Variants in CDAN1 observed in about 807,000 individuals in gnomAD.
CDAN1 encodes the protein codanin-1.
A neutral mutation model predicts 139.8 loss-of-function variants in CDAN1; 107 were observed. The observed-to-expected ratio is 0.77, with a 90% CI of 0.65 to 0.90. CDAN1 has a LOEUF of 0.90. CDAN1 is among the 40% of genes least tolerant of loss of function. CDAN1 has a pLI of 0.00. For missense variants in CDAN1, 1,667 were observed against 1,575.7 expected, an observed-to-expected ratio of 1.06 and a Z score of -0.98; for synonymous variants, 776 against 660.6, an observed-to-expected ratio of 1.17 and a Z score of -2.68.
At position 42,727,971 on chromosome 15, in the gene CDAN1, C is replaced by A. The variant is rs2061553967; in HGVS notation, c.2931G>T (p.Leu977=). The part of the protein sequence containing the change: ...GLATEKACAW[L]SANITALIRR... Reference sequence around the variant, plus strand: ...GGACCTTACCTGTGATGTTGGCTGACAGCCAAGCACAGGCTTTCTCTGTTG... The same window carrying A: ...GGACCTTACCTGTGATGTTGGCTGAAAGCCAAGCACAGGCTTTCTCTGTTG... Residue 977 remains leucine, a synonymous_variant, in exon 22 of 28, where the codon CTG becomes CTT. Transcript: ENST00000356231. 1 of 1,614,028 alleles carries A rather than the reference C, an allele frequency of 6.2e-7. No individual in the cohort carries two copies. Among genetic ancestry groups the A allele is most frequent in the African/African-American group, 1.3e-5 (1 of 74,936 alleles).
chr15:42,731,448 C>G, intron 11 of CDAN1, 117 bp from the exon 12 acceptor site: 1 of 1,496,490 alleles, frequency 6.7e-7, no homozygotes, highest in Non-Finnish European at 9.3e-7. Context: ...GGCCCAGGAG[C>G]AATGAAATCA....
rs751174614 is a variant in CDAN1, at chr15:42,729,132, GGGA to G, written c.2542-9_2542-7del. On this transcript the variant is annotated splice_polypyrimidine_tract_variant and splice_region_variant and intron_variant, in intron 18 of 27. Transcript: ENST00000356231. ...AAGGCCTGGGCGAGCTGTGCCTGGGGGGAGGAGGGAGAGGCAGCAAGGCTTCCT... is the reference window on the plus strand; with the variant it reads ...AAGGCCTGGGCGAGCTGTGCCTGGGGGGAGGGAGAGGCAGCAAGGCTTCCT... 3.7e-5 allele frequency: 59 copies of G among 1,613,974 alleles called. No individual in the cohort carries two copies. The South Asian group carries it at 6.0e-4, about 17-fold the overall frequency.
intron 11 of CDAN1, 30 bp from the exon 12 acceptor site, chr15:42,731,361 C>T: frequency 1.9e-6 from 3 of 1,612,362 alleles, no homozygotes; most frequent in Non-Finnish European, 2.5e-6. Context: ...GGGGCATAAG[C>T]ACTGGAAGAG....
chr15:42,731,229 C>A lies in CDAN1; in HGVS notation c.1842G>T (p.Glu614Asp). Residue 614 changes from glutamate to aspartate, a missense_variant, in exon 12 of 28, where the codon GAG (glutamate) becomes GAT (aspartate). Transcript: ENST00000356231. Reference protein sequence around the residue: ...PQHEPNDEDGESDVDWQGERK... With the variant: ...PQHEPNDEDGDSDVDWQGERK... ...TTCGGACCTGCCAGTCTACGTCTGA[C>A]TCCCCGTCTTCATCATTGGGCTCAT... The A allele has an allele frequency of 2.5e-6, 4 of 1,614,242 alleles. No individual in the cohort carries two copies. The highest frequency in any genetic ancestry group is 2.5e-6 in the Non-Finnish European group (3 of 1,180,048).
chr15:42,726,059 A>T (rs1316174879), intron 25 of CDAN1, 38 bp downstream of exon 25: 18 of 1,567,122 alleles, frequency 1.1e-5, no homozygotes, highest in Admixed American at 3.4e-5. Flanking sequence ...GATTTGGGGG[A>T]TCAGGCAAGA....
rs1353217180 is a variant in CDAN1 at position 42,726,309 on chromosome 15, C to T, written c.3204+1G>A. The T allele has an allele frequency of 6.3e-7, 1 of 1,587,490 alleles. No homozygotes were observed. The highest frequency in any genetic ancestry group is 8.6e-7 in the Non-Finnish European group (1 of 1,166,840). The stretch of plus-strand genomic sequence containing the variant: ...CCCCGGTGGCAGATGCCACAGCTCA[C>T]CTGGCGGCACCGCAGCGTCTGGCCC... On this transcript the variant is annotated splice_donor_variant, in intron 24 of 27. Transcript: ENST00000356231. LOFTEE classifies it high-confidence loss of function.
Position 42,734,015 on chromosome 15 carries a change from A to T in CDAN1, c.1290T>A (p.Ala430=), listed in dbSNP as rs2061651919. The change falls in exon 8 of 28, where the codon GCT becomes GCA. Residue 430 remains alanine (A), a synonymous_variant. Coordinates refer to ENST00000356231, the MANE Select transcript of CDAN1 (RefSeq NM_138477.4). ...VSLVMPPSTQ[A]VSFQPETDNR... is the part of the protein sequence containing the mutation. ...TGTCAGTCTCTGGCTGAAAGGAGAC[A>T]GCTTGAGTAGAGGGAGGCATCACCA... The T allele has an allele frequency of 4.3e-6, 7 of 1,614,142 alleles. No homozygotes were observed. The highest frequency in any genetic ancestry group is 5.9e-6 in the Non-Finnish European group (7 of 1,179,950).
rs769454053 is a variant in CDAN1 at position 42,727,570 on chromosome 15, G to C, written c.3096+51C>G. ...TGTGAGAAAGGAAAAACCAGGAACA[G>C]AGCAGGGGGGTGGGAGCAGGGAAGC... is the stretch of plus-strand genomic sequence containing the variant. On this transcript the variant is annotated intron_variant, in intron 23 of 27. Transcript: ENST00000356231. The C allele has an allele frequency of 2.0e-6, 3 of 1,472,928 alleles. No homozygotes were observed. In the South Asian group the frequency reaches 4.1e-5, roughly 20 times the overall value. 91.2% of individuals were successfully genotyped at this position (1,472,928 alleles called of 1,614,324 possible). A position where few individuals can be genotyped will look rare whatever the true frequency, so the allele number is the denominator to read the frequency against.
At position 42,734,206 on chromosome 15, in the gene CDAN1, A is replaced by C; in HGVS notation, c.1257+20T>G. On this transcript the variant is annotated intron_variant, in intron 7 of 27. Transcript: ENST00000356231. ...AAGGGTTAGGTCCAGGCTAGTGGGC[A>C]ACTAAGCTGGGGTTACTACCTTGGC... The C allele has an allele frequency of 6.2e-7, 1 of 1,614,084 alleles. No individual in the cohort carries two copies. The highest frequency in any genetic ancestry group is 8.5e-7 in the Non-Finnish European group (1 of 1,180,022).
At position 42,724,468 on chromosome 15, in the gene CDAN1, C is replaced by A; in HGVS notation, c.*23G>T. ...GGGTCCAGGGTTCTGGTGCAATGCC[C>A]AAGGCAGGGCCACTTCTCAGCCCTA... On this transcript the variant is annotated 3_prime_UTR_variant, in exon 28 of 28. Transcript: ENST00000356231. 6.4e-7 allele frequency: 1 copy of A among 1,572,898 alleles called. No individual in the cohort carries two copies. Among genetic ancestry groups the A allele is most frequent in the South Asian group, 1.2e-5 (1 of 85,626 alleles).
chr15:42,727,582 G>A (rs2061546251), intron 23 of CDAN1, 39 bp downstream of exon 23: 1 of 1,493,916 alleles, frequency 6.7e-7, no homozygotes, highest in East Asian at 2.4e-5. Flanking sequence ...GCAGGGGGGT[G>A]GGAGCAGGGA....
Position 42,736,743 on chromosome 15 carries a change from C to A in CDAN1, c.128G>T (p.Arg43Leu). The A allele has an allele frequency of 6.4e-7, 1 of 1,556,490 alleles. No homozygotes were observed. The change falls in exon 2 of 28, where the codon CGG becomes CTG. Residue 43 changes from arginine to leucine, a missense_variant. Around this residue, in one of 3 missense-constraint regions of CDAN1, gnomAD observed 487 missense variants for 422.2 expected, o/e 1.15. Transcript: ENST00000356231. ...CGGTACGAATTCTTTCCGCAGGGCC[C>A]GGAGTGAGCTCAGCGCGGCCGCCTC... ...AGEAAALSSLRALRKEFVPFL... is the reference protein window; with the variant it reads ...AGEAAALSSLLALRKEFVPFL...
rs559682831 is a variant in CDAN1, at chr15:42,730,490, G to A, written c.2174+108C>T. 3.3e-5 allele frequency: 43 copies of A among 1,310,402 alleles called. No individual in the cohort carries two copies. In the East Asian group the frequency reaches 1.1e-3, roughly 32 times the overall value. 81.2% of individuals were successfully genotyped at this position (1,310,402 alleles called of 1,614,324 possible). ...CTCCCAGGGCTCAGTTATGGCCAGG[G>A]CCCCACACGCACAGTGCAGACTGCT... On this transcript the variant is annotated intron_variant, in intron 14 of 27. Transcript: ENST00000356231.
chr15:42,725,090 A>C (rs2061504800), intron 27 of CDAN1, 54 bp downstream of exon 27: 2 of 1,433,714 alleles, frequency 1.4e-6, no homozygotes, highest in Admixed American at 1.7e-5. Context: ...TTCAGGACAG[A>C]TGGGATATGT....
At chr15:42,725,855 C>T (rs775494354) in intron 25 of CDAN1, among the ~76,000 whole-genome samples, 185 bp from the exon 26 acceptor site, 3 of 151,622 alleles carry the variant, frequency 2.0e-5, no homozygotes, top group Non-Finnish European at 4.4e-5. Context: ...TGGTGGAAGG[C>T]ACCTGTAGTC....
At chr15:42,727,842 C>T (rs983577111) in intron 22 of CDAN1, 73 bp from the exon 23 acceptor site, 5 of 1,609,560 alleles carry the variant, frequency 3.1e-6, no homozygotes, top group Admixed American at 1.7e-5. Flanking sequence ...TAACCCATGC[C>T]TTTTGCTGTT....
intron 22 of CDAN1, 59 bp from the exon 23 acceptor site, chr15:42,727,828 A>G: frequency 6.2e-7 from 1 of 1,610,852 alleles, no homozygotes; most frequent in Middle Eastern, 1.7e-4. Flanking sequence ...CAGGTTCACC[A>G]TGCTAACCCA....
intron 14 of CDAN1, 54 bp downstream of exon 14, chr15:42,730,544 C>G (rs2061596241): frequency 6.3e-7 from 1 of 1,596,196 alleles, no homozygotes. Context: ...GCAGGCTTGA[C>G]CAATGTCCCG....
At position 42,724,902 on chromosome 15, in the gene CDAN1, T is replaced by C. The variant is rs1236736076; in HGVS notation, c.3558+242A>G. 4 of 615,694 alleles carry C rather than the reference T, an allele frequency of 6.5e-6. No homozygotes were observed. The Admixed American group carries it at 1.1e-4, about 18-fold the overall frequency. 38.1% of individuals were successfully genotyped at this position (615,694 alleles called of 1,614,324 possible). ...ATTCCCGTTAAAATCCAGGTTATTC[T>C]AATTTTAAAAACCCATATAATGGGC... On this transcript the variant is annotated intron_variant, in intron 27 of 27. Transcript: ENST00000356231.
Sources: allele counts gnomAD v4.1 joint callset (sites outside exome capture counted in the v4.1 genomes callset), GRCh38; gene constraint gnomAD v4.1.1; regional missense constraint gnomAD v4.1.1; transcripts MANE v1.5; gene names NCBI Gene and HGNC (gene_info 2026-07-23, HGNC 2026-07-21).